Variants in RAD51B observed in about 807,000 individuals in gnomAD.
RAD51B encodes the protein DNA repair protein RAD51 homolog 2.
In RAD51B, 38 loss-of-function variants were observed where a neutral mutation model predicts 42.2. That is an observed-to-expected ratio of 0.90 (90% CI 0.70 to 1.18). The LOEUF (loss-of-function observed/expected upper bound fraction) is 1.18, where lower values mean the gene tolerates loss of function less well. Among genes scored for constraint, RAD51B ranks in the 50% most tolerant of loss-of-function variants. RAD51B has a pLI of 0.00. For missense variants in RAD51B, 373 were observed against 400.7 expected (o/e 0.93, Z 0.59); for synonymous variants, 154 against 145.2 (o/e 1.06, Z -0.43).
chr14:67,829,759 A>G (rs2140287606), intron 3 of RAD51B, among the ~76,000 whole-genome samples: 2 of 152,302 alleles, frequency 1.3e-5, no homozygotes, highest in Admixed American at 1.3e-4. Context: ...ATGGTGAACA[A>G]GTTTATACAG....
chr14:67,892,798 A>T (rs2043259498), intron 7 of RAD51B, among the ~76,000 whole-genome samples: 1 of 152,216 alleles, frequency 6.6e-6, no homozygotes, highest in Admixed American at 6.5e-5. Context: ...GAAATGCTGG[A>T]CATTAAGGCT....
chr14:68,272,295 T>C (rs1020879139), intron 7 of RAD51B, among the ~76,000 whole-genome samples: 4 of 152,118 alleles, frequency 2.6e-5, no homozygotes, highest in African/African-American at 4.8e-5. Flanking sequence ...TGCCTCTTCC[T>C]GGCTCTATTT....
chr14:68,615,566 C>T (rs183204951), downstream of RAD51B, among the ~76,000 whole-genome samples: 7 of 152,080 alleles, frequency 4.6e-5, no homozygotes, highest in East Asian at 1.4e-3. Context: ...AGGATGGTCT[C>T]GATGTCCTGA....
intron 11 of RAD51B, among the ~76,000 whole-genome samples, chr14:68,657,374 T>A (rs1892838127): frequency 6.6e-6 from 1 of 152,222 alleles, no homozygotes; most frequent in African/African-American, 2.4e-5. Context: ...AAAGACAGGA[T>A]CTCGCTATAT....
At chr14:68,654,828 A>G (rs573199319) in intron 11 of RAD51B, among the ~76,000 whole-genome samples, 47 of 152,298 alleles carry the variant, frequency 3.1e-4, no homozygotes, top group African/African-American at 1.1e-3. Context: ...TCAGGCTCCA[A>G]GAACCCGCTT....
At chr14:67,878,902 C>T (rs779354533) in intron 5 of RAD51B, among the ~76,000 whole-genome samples, 19 of 152,158 alleles carry the variant, frequency 1.2e-4, no homozygotes, top group East Asian at 3.9e-4. Flanking sequence ...AAATTAAAGA[C>T]GGGGTTTCGC....
intron 10 of RAD51B, among the ~76,000 whole-genome samples, chr14:68,605,627 T>A (rs996719944): frequency 6.6e-6 from 1 of 152,206 alleles, no homozygotes; most frequent in Non-Finnish European, 1.5e-5. Context: ...GCTCTCTCTC[T>A]CTTCTCATAA....
chr14:68,133,052 A>T (rs977282785), intron 7 of RAD51B, among the ~76,000 whole-genome samples: 1 of 152,190 alleles, frequency 6.6e-6, no homozygotes, highest in African/African-American at 2.4e-5. Flanking sequence ...AAAAAGAGGG[A>T]TGCTTTTTCC....
intron 9 of RAD51B, 145 bp downstream of exon 9, chr14:68,411,672 G>A (rs2084425259): frequency 1.5e-6 from 1 of 684,694 alleles, no homozygotes; most frequent in South Asian, 1.9e-5. Context: ...CAGCATTTCT[G>A]CTTGTCCCAA....
intron 7 of RAD51B, among the ~76,000 whole-genome samples, chr14:68,124,801 G>A (rs866465274): frequency 4.1e-4 from 62 of 151,914 alleles, no homozygotes; most frequent in African/African-American, 1.5e-3. Context: ...AAAATACAAA[G>A]ATTAGCTGGG....
chr14:68,511,670 A>G lies in RAD51B; in HGVS notation c.1036+43420A>G, dbSNP rs560268329. Among the ~76,000 whole-genome samples the G allele has an allele frequency of 2.0e-3, 304 of 152,342 alleles. 1 individual carries two copies. The highest frequency in any genetic ancestry group is 7.1e-3 in the African/African-American group (296 of 41,578). On this transcript the variant is annotated intron_variant, in intron 10 of 10. Transcript: ENST00000487270. ...TGTAAGAACTAGTCTACAATAAAGA[A>G]GCTATTAAGGCGTGTTCAGAGAATT...
At chr14:68,073,165 G>A (rs577131788) in intron 7 of RAD51B, among the ~76,000 whole-genome samples, 34 of 152,240 alleles carry the variant, frequency 2.2e-4, no homozygotes, top group East Asian at 1.9e-3. Flanking sequence ...ATGTCTTTTC[G>A]TAAGTCTCTA....
intron 10 of RAD51B, among the ~76,000 whole-genome samples, chr14:68,519,578 C>G (rs1355593402): frequency 6.6e-6 from 1 of 152,226 alleles, no homozygotes; most frequent in Non-Finnish European, 1.5e-5. Context: ...CAGCTACCCA[C>G]TGACAACACG....
intron 7 of RAD51B, among the ~76,000 whole-genome samples, chr14:67,938,215 T>A (rs959267639): frequency 4.6e-5 from 7 of 152,240 alleles, no homozygotes; most frequent in African/African-American, 1.7e-4. Context: ...GGAATAACAA[T>A]GCAGTTCTCC....
chr14:68,111,403 A>G (rs1361832021), intron 7 of RAD51B, among the ~76,000 whole-genome samples: 3 of 152,054 alleles, frequency 2.0e-5, no homozygotes, highest in Non-Finnish European at 4.4e-5. Flanking sequence ...CAGAAACAGG[A>G]TATCAGTGGT....
chr14:68,371,413 G>A (rs2083261492), intron 8 of RAD51B, among the ~76,000 whole-genome samples: 1 of 152,208 alleles, frequency 6.6e-6, no homozygotes, highest in Non-Finnish European at 1.5e-5. Flanking sequence ...AGCTACTTGG[G>A]AGGCTGAGGC....
In RAD51B at chr14:68,396,712, T is replaced by A. The variant is rs115739743; in HGVS notation, c.854-14712T>A. 9.3e-3 allele frequency among the ~76,000 whole-genome samples: 1,421 copies of A among 152,210 alleles called. 24 individuals are homozygous for A. The highest frequency in any genetic ancestry group is 0.029 in the African/African-American group (1,217 of 41,532). On this transcript the variant is annotated intron_variant, in intron 8 of 10. Transcript: ENST00000471583. Reference sequence around the variant, plus strand: ...CGTATGACTAAGAGTTTCCCAACAATAGGGAGAGAACATTATTAAAATATG... The same window carrying A: ...CGTATGACTAAGAGTTTCCCAACAAAAGGGAGAGAACATTATTAAAATATG...
chr14:67,982,634 G>A (rs1368951763), intron 7 of RAD51B, among the ~76,000 whole-genome samples: 1 of 151,810 alleles, frequency 6.6e-6, no homozygotes, highest in African/African-American at 2.4e-5. Flanking sequence ...AGCAATCTTC[G>A]TTTTTTGAAA....
At chr14:68,138,780 T>G (rs993256754) in intron 7 of RAD51B, among the ~76,000 whole-genome samples, 2 of 152,196 alleles carry the variant, frequency 1.3e-5, no homozygotes, top group African/African-American at 4.8e-5. Context: ...CAATGTGAGC[T>G]TACACTGAAC....
Sources: gnomAD v4.1 joint callset for allele counts (sites outside exome capture counted in the v4.1 genomes callset) on GRCh38, gnomAD v4.1.1 for gene constraint, MANE v1.5 for transcripts, NCBI Gene and HGNC (gene_info 2026-07-23, HGNC 2026-07-21) for gene names.